ADAMTSL1: variants seen among roughly 807,000 people sequenced by gnomAD.
ADAMTSL1 encodes the protein ADAMTS-like protein 1.
Under a neutral mutation model 201.8 loss-of-function variants are expected in ADAMTSL1, and 126 were observed. The observed-to-expected ratio is 0.62, with a 90% CI of 0.54 to 0.72. ADAMTSL1 has a LOEUF of 0.72. Among genes scored for constraint, ADAMTSL1 ranks in the 30% least tolerant of loss-of-function variants. The pLI is 0.00. For missense variants in ADAMTSL1, 2,679 were observed against 2,277.8 expected, an observed-to-expected ratio of 1.18 and a Z score of -3.59; for synonymous variants, 1,121 against 903.4, an observed-to-expected ratio of 1.24 and a Z score of -4.32.
chr9:18,236,391 C>G (rs1830851031), intron 2 of ADAMTSL1, among the ~76,000 whole-genome samples: 1 of 152,190 alleles, frequency 6.6e-6, no homozygotes, highest in Admixed American at 6.5e-5. Flanking sequence ...GGAGTTTTGA[C>G]TGTGCCACTG....
intron 2 of ADAMTSL1, among the ~76,000 whole-genome samples, chr9:18,432,867 C>G (rs559384589): frequency 1.3e-5 from 2 of 152,282 alleles, no homozygotes; most frequent in South Asian, 4.1e-4. Flanking sequence ...TTAGTGTCTT[C>G]AGACAGTAGC....
intron 2 of ADAMTSL1, among the ~76,000 whole-genome samples, chr9:18,355,172 A>G (rs1563908325): frequency 6.6e-6 from 1 of 152,158 alleles, no homozygotes; most frequent in Non-Finnish European, 1.5e-5. Context: ...TTGATACTGC[A>G]TCTCTTTGTA....
intron 2 of ADAMTSL1, among the ~76,000 whole-genome samples, chr9:18,509,663 AAGAG>A (rs1817916481): frequency 6.6e-6 from 1 of 152,202 alleles, no homozygotes; most frequent in African/African-American, 2.4e-5. Flanking sequence ...GCAGAGGTGT[AAGAG>A]AGAGCAATTC....
intron 2 of ADAMTSL1, among the ~76,000 whole-genome samples, chr9:18,274,154 G>A (rs1832494238): frequency 6.6e-6 from 1 of 152,242 alleles, no homozygotes; most frequent in African/African-American, 2.4e-5. Flanking sequence ...TCTCATTCAT[G>A]CAGTTTAGTC....
At chr9:18,290,295 C>G (rs202009385) in intron 2 of ADAMTSL1, among the ~76,000 whole-genome samples, 1 of 77,442 alleles carries the variant, frequency 1.3e-5, no homozygotes, top group Non-Finnish European at 3.1e-5. Flanking sequence ...TTTTTTTTTT[C>G]TAGTGCTGCA....
At chr9:18,736,290 A>C (rs1588014942) in intron 15 of ADAMTSL1, among the ~76,000 whole-genome samples, 1 of 152,124 alleles carries the variant, frequency 6.6e-6, no homozygotes, top group African/African-American at 2.4e-5. Flanking sequence ...AAGTGAGGGG[A>C]GACAAGTGAG....
At chr9:18,139,515 C>T (rs370737482) in intron 1 of ADAMTSL1, among the ~76,000 whole-genome samples, 1 of 152,180 alleles carries the variant, frequency 6.6e-6, no homozygotes, top group African/African-American at 2.4e-5. Flanking sequence ...TCTGATAACC[C>T]CTGAGAAAAT....
intron 1 of ADAMTSL1, among the ~76,000 whole-genome samples, chr9:18,125,720 A>G (rs1825704119): frequency 6.6e-6 from 1 of 152,144 alleles, no homozygotes; most frequent in Admixed American, 6.5e-5. Flanking sequence ...CCTTTATTGA[A>G]AGTCAATTAA....
chr9:17,940,808 C>CCCA lies in ADAMTSL1; in HGVS notation c.87+33888_87+33889insACC, dbSNP rs1554667543. Among the ~76,000 whole-genome samples, 8 of 63,928 alleles carry CCCA rather than the reference C, an allele frequency of 1.3e-4. 2 individuals carry two copies. The highest frequency in any genetic ancestry group is 5.4e-4 in the Admixed American group (3 of 5,588). The allele number at this position is 63,928 out of a possible 152,430, so 41.9% of individuals were successfully genotyped here. On this transcript the variant is annotated intron_variant, in intron 1 of 29. Transcript: ENST00000680146. ...AAAAATAAAAGTAAATAACACCCCC[C>CCCA]CCCCAAAAAAAAGAAAGAAATAACG...
At chr9:18,842,276 T>G (rs1051575505) in intron 23 of ADAMTSL1, among the ~76,000 whole-genome samples, 1 of 152,212 alleles carries the variant, frequency 6.6e-6, no homozygotes, top group Admixed American at 6.5e-5. Flanking sequence ...TCTTTCTTTC[T>G]GCCTTCATTT....
intron 1 of ADAMTSL1, among the ~76,000 whole-genome samples, chr9:18,094,566 C>T (rs1324983672): frequency 1.3e-5 from 2 of 151,948 alleles, no homozygotes; most frequent in East Asian, 3.9e-4. Context: ...TGCCTCATTT[C>T]ATCAGGTTCG....
chr9:18,711,283 C>A (rs1274828992), intron 14 of ADAMTSL1, among the ~76,000 whole-genome samples: 1 of 152,222 alleles, frequency 6.6e-6, no homozygotes, highest in Admixed American at 6.5e-5. Flanking sequence ...CTACAGCTCC[C>A]AGCGTGAGCT....
At chr9:18,882,765 G>A (rs894223862) in intron 23 of ADAMTSL1, among the ~76,000 whole-genome samples, 3 of 152,054 alleles carry the variant, frequency 2.0e-5, no homozygotes, top group Admixed American at 2.0e-4. Context: ...AAGCTGAGGA[G>A]GGAGGATCAC....
intron 2 of ADAMTSL1, among the ~76,000 whole-genome samples, chr9:18,204,791 G>T (rs1301062083): frequency 6.6e-6 from 1 of 152,090 alleles, no homozygotes; most frequent in Admixed American, 6.6e-5. Flanking sequence ...CAGCAATCTG[G>T]TTGCCCTGGG....
intron 23 of ADAMTSL1, among the ~76,000 whole-genome samples, chr9:18,884,684 C>G (rs1279213770): frequency 1.3e-5 from 2 of 152,132 alleles, no homozygotes; most frequent in Non-Finnish European, 2.9e-5. Context: ...GTCTTAGCAA[C>G]CTTGTCAAAA....
intron 23 of ADAMTSL1, among the ~76,000 whole-genome samples, chr9:18,859,124 T>C (rs1046202047): frequency 6.6e-6 from 1 of 152,254 alleles, no homozygotes; most frequent in African/African-American, 2.4e-5. Flanking sequence ...ATAGATTTAG[T>C]GGCTTAAAAC....
rs114669246 is a variant in ADAMTSL1, at chr9:18,453,177, G to A, written c.208-51652G>A. Among the ~76,000 whole-genome samples, 840 of 152,306 alleles carry A rather than the reference G, an allele frequency of 5.5e-3. 9 individuals are homozygous for A. Among genetic ancestry groups the A allele is most frequent in the African/African-American group, 0.019 (797 of 41,570 alleles). ...CTTATACCTTCCAGAGCAGTAGGAT[G>A]AGCCTCACCTGGGCCTGCTTGGGCT... On this transcript the variant is annotated intron_variant, in intron 2 of 29. Coordinates refer to the ADAMTSL1 transcript ENST00000680146.
At chr9:18,742,078 A>G (rs1470196779) in intron 15 of ADAMTSL1, among the ~76,000 whole-genome samples, 2 of 152,180 alleles carry the variant, frequency 1.3e-5, no homozygotes, top group South Asian at 2.1e-4. Flanking sequence ...CATGGTGTCA[A>G]ATTTCCCCTT....
chr9:18,721,727 A>G, intron 15 of ADAMTSL1, 62 bp downstream of exon 15: 1 of 1,572,254 alleles, frequency 6.4e-7, no homozygotes, highest in Non-Finnish European at 8.6e-7. Flanking sequence ...CGCATCTTTC[A>G]GTGGGCAAGA....
Sources: allele counts gnomAD v4.1 joint callset (sites outside exome capture counted in the v4.1 genomes callset), GRCh38; gene constraint gnomAD v4.1.1; transcripts MANE v1.5; gene names NCBI Gene and HGNC (gene_info 2026-07-23, HGNC 2026-07-21).